Variants in NR3C1 observed in about 807,000 individuals in gnomAD.
NR3C1 encodes the protein glucocorticoid receptor.
In NR3C1, 14 loss-of-function variants were observed where a neutral mutation model predicts 74.0. The ratio of observed to expected loss-of-function variants is 0.19; its 90% CI spans 0.12 to 0.30. The LOEUF is 0.30. Among genes scored for constraint, NR3C1 ranks in the 10% least tolerant of loss-of-function variants. NR3C1 has a pLI of 1.00. For synonymous variants in NR3C1, 308 were observed against 332.5 expected (o/e 0.93, Z 0.80); for missense variants, 695 against 909.8 (o/e 0.76, Z 3.04).
At chr5:143,282,767 C>A in intron 7 of NR3C1, 42 bp from the exon 8 acceptor site, 35 of 1,479,972 alleles carry the variant, frequency 2.4e-5, no homozygotes, top group Non-Finnish European at 2.9e-5. Context: ...TTTTCTTTTT[C>A]TTTTCTTTTC....
At chr5:143,393,388 T>C (rs1183535637) in intron 2 of NR3C1, among the ~76,000 whole-genome samples, 1 of 152,108 alleles carries the variant, frequency 6.6e-6, no homozygotes, top group Non-Finnish European at 1.5e-5. Context: ...TCAAACACAG[T>C]TGTAAAGAAA....
intron 2 of NR3C1, among the ~76,000 whole-genome samples, chr5:143,384,621 A>G (rs1836841391): frequency 6.6e-6 from 1 of 152,224 alleles, no homozygotes; most frequent in Non-Finnish European, 1.5e-5. Flanking sequence ...ATTAAATCTT[A>G]AAAATCCAAA....
chr5:143,398,570 G>A (rs931898815), intron 2 of NR3C1, among the ~76,000 whole-genome samples: 1 of 151,850 alleles, frequency 6.6e-6, no homozygotes, highest in African/African-American at 2.4e-5. Flanking sequence ...TAACATTTAA[G>A]AAAAAACTTC....
upstream of NR3C1, chr5:143,404,209 C>G (rs896580820): frequency 1.0e-5 from 10 of 985,318 alleles, no homozygotes; most frequent in East Asian, 1.1e-3. Context: ...CCCGCGCCGC[C>G]GCCGCCGGGC....
chr5:143,307,854 T>C (rs1819966264), intron 4 of NR3C1, among the ~76,000 whole-genome samples: 1 of 152,218 alleles, frequency 6.6e-6, no homozygotes, highest in Non-Finnish European at 1.5e-5. Flanking sequence ...TGGGGAATAC[T>C]GTTTTTATAA....
At chr5:143,355,777 C>A (rs918491085) in intron 2 of NR3C1, among the ~76,000 whole-genome samples, 1 of 152,140 alleles carries the variant, frequency 6.6e-6, no homozygotes, top group African/African-American at 2.4e-5. Context: ...CCTAAAAGAT[C>A]TTATAAGCCC....
intron 2 of NR3C1, among the ~76,000 whole-genome samples, chr5:143,385,984 A>G (rs1426994435): frequency 6.6e-6 from 1 of 152,216 alleles, no homozygotes; most frequent in East Asian, 1.9e-4. Flanking sequence ...GTAACTTACA[A>G]AGAAAAGAGG....
chr5:143,424,575 G>A (rs1040930201), intron 1 of NR3C1, among the ~76,000 whole-genome samples: 3 of 152,084 alleles, frequency 2.0e-5, no homozygotes, highest in African/African-American at 7.2e-5. Context: ...CTTAAGCATG[G>A]CTTTGGGACC....
chr5:143,295,365 G>A, intron 7 of NR3C1, 95 bp downstream of exon 7: 3 of 1,509,336 alleles, frequency 2.0e-6, no homozygotes, highest in Non-Finnish European at 2.7e-6. Context: ...AGTAGACTTG[G>A]TATAATTATT....
intron 2 of NR3C1, among the ~76,000 whole-genome samples, chr5:143,360,451 AAG>A (rs1169801307): frequency 7.9e-5 from 12 of 152,340 alleles, no homozygotes; most frequent in African/African-American, 1.7e-4. Flanking sequence ...GGCAATTTAA[AAG>A]AGAGTGAAAA....
chr5:143,418,248 G>A (rs1413334545), intron 1 of NR3C1, among the ~76,000 whole-genome samples: 1 of 152,044 alleles, frequency 6.6e-6, no homozygotes, highest in Non-Finnish European at 1.5e-5. Flanking sequence ...ACTTATATCA[G>A]TGCCATCAAA....
chr5:143,293,941 C>T, intron 7 of NR3C1: 1 of 983,726 alleles, frequency 1.0e-6, no homozygotes. Flanking sequence ...TCAATCAAAG[C>T]TATGATCAGA....
intron 2 of NR3C1, among the ~76,000 whole-genome samples, chr5:143,370,175 C>T (rs948076200): frequency 6.6e-6 from 1 of 152,132 alleles, no homozygotes; most frequent in Non-Finnish European, 1.5e-5. Flanking sequence ...AAGATGGTTT[C>T]CTGCTACCTA....
At chr5:143,313,201 A>C (rs1389052288) in intron 3 of NR3C1, among the ~76,000 whole-genome samples, 2 of 152,304 alleles carry the variant, frequency 1.3e-5, no homozygotes, top group Admixed American at 1.3e-4. Flanking sequence ...TTCCTAGAGG[A>C]GTCACTGGTA....
intron 7 of NR3C1, among the ~76,000 whole-genome samples, chr5:143,292,321 G>A (rs1485578851): frequency 6.6e-6 from 1 of 151,952 alleles, no homozygotes; most frequent in East Asian, 1.9e-4. Context: ...GAGGGGGAGG[G>A]GAATTGTTTT....
At chr5:143,291,468 C>T (rs1486748332) in intron 7 of NR3C1, among the ~76,000 whole-genome samples, 1 of 152,054 alleles carries the variant, frequency 6.6e-6, no homozygotes, top group Non-Finnish European at 1.5e-5. Context: ...CTGTGATCTG[C>T]CTGCCTCAGC....
chr5:143,363,818 G>T (rs532140003), intron 2 of NR3C1, among the ~76,000 whole-genome samples: 1 of 152,068 alleles, frequency 6.6e-6, no homozygotes, highest in East Asian at 1.9e-4. Context: ...CCATGAACTC[G>T]AAGATAGGTC....
chr5:143,376,964 T>C (rs943760275), intron 2 of NR3C1, among the ~76,000 whole-genome samples: 5 of 152,116 alleles, frequency 3.3e-5, no homozygotes, highest in African/African-American at 1.2e-4. Flanking sequence ...GAGAGACAGA[T>C]AGGACTGGTT....
intron 1 of NR3C1, among the ~76,000 whole-genome samples, chr5:143,428,288 A>G (rs1751637628): frequency 6.6e-6 from 1 of 152,192 alleles, no homozygotes. Context: ...TTTCCTTAAG[A>G]GGAGATTCTA....
Sources: allele counts gnomAD v4.1 joint callset (sites outside exome capture counted in the v4.1 genomes callset), GRCh38; gene constraint gnomAD v4.1.1; transcripts MANE v1.5; gene names NCBI Gene and HGNC (gene_info 2026-07-23, HGNC 2026-07-21).